Variants in ARHGEF4 observed in about 807,000 individuals in gnomAD.
ARHGEF4 encodes the protein Rho guanine nucleotide exchange factor 4.
In ARHGEF4, 119 loss-of-function variants were observed where a neutral mutation model predicts 162.0. The ratio of observed to expected loss-of-function variants is 0.73; its 90% CI spans 0.63 to 0.86. ARHGEF4 has a LOEUF of 0.86. ARHGEF4 is among the 40% of genes least tolerant of loss of function. ARHGEF4 has a pLI of 0.00. For missense variants in ARHGEF4, 2,488 were observed against 2,456.0 expected (o/e 1.01, Z -0.28); for synonymous variants, 1,014 against 979.9 (o/e 1.03, Z -0.65).
intron 4 of ARHGEF4, among the ~76,000 whole-genome samples, chr2:131,008,645 TA>T (rs138646291): frequency 6.6e-6 from 1 of 152,088 alleles, no homozygotes; most frequent in Non-Finnish European, 1.5e-5. Context: ...GGATCTTTTT[TA>T]AAAAAATCCT....
chr2:131,040,047 A>C lies in ARHGEF4; in HGVS notation c.4337A>C (p.Asp1446Ala). The part of the protein sequence containing the change: ...LRVNQDEPAD[D>A]DAPLAGNSGA... ...GTGAATCAGGACGAGCCCGCGGATG[A>C]CGACGCCCCTCTGGCCGGGAACAGC... Residue 1446 changes from aspartate (D) to alanine (A), a missense_variant, in exon 7 of 14, where the codon GAC (aspartate) becomes GCC (alanine). Physicochemically the swap from Asp to Ala is moderately radical, Grantham distance 126. Coordinates refer to ENST00000409359, the MANE Select transcript of ARHGEF4 (RefSeq NM_001367493.1). 1.3e-6 allele frequency: 2 copies of C among 1,578,600 alleles called. No individual in the cohort carries two copies. Among genetic ancestry groups the C allele is most frequent in the Non-Finnish European group, 1.7e-6 (2 of 1,163,472 alleles).
At chr2:130,953,968 G>C (rs565531431) in intron 4 of ARHGEF4, among the ~76,000 whole-genome samples, 2 of 152,358 alleles carry the variant, frequency 1.3e-5, no homozygotes, top group East Asian at 3.9e-4. Flanking sequence ...GTGTAAACTA[G>C]TTCAACCATT....
chr2:130,946,468 C>G, intron 3 of ARHGEF4, 41 bp from the exon 4 acceptor site: 2 of 1,578,356 alleles, frequency 1.3e-6, no homozygotes, highest in Non-Finnish European at 1.7e-6. Flanking sequence ...CCTGTCATTT[C>G]TTTTCTTCAT....
intron 4 of ARHGEF4, among the ~76,000 whole-genome samples, chr2:130,986,504 T>C (rs1329729165): frequency 6.6e-6 from 1 of 152,136 alleles, no homozygotes; most frequent in Non-Finnish European, 1.5e-5. Context: ...AGAAAGCAGC[T>C]CAGAGGGCGC....
intron 5 of ARHGEF4, among the ~76,000 whole-genome samples, chr2:131,030,128 G>A (rs1419790467): frequency 6.6e-6 from 1 of 152,238 alleles, no homozygotes; most frequent in Non-Finnish European, 1.5e-5. Context: ...AGAGGTGGGG[G>A]TTCCATGGCT....
At chr2:130,926,751 G>A (rs1023550357) in intron 2 of ARHGEF4, among the ~76,000 whole-genome samples, 4 of 146,056 alleles carry the variant, frequency 2.7e-5, no homozygotes, top group Non-Finnish European at 4.5e-5. Context: ...ACAAAAAGTG[G>A]CTCAACAGTC....
chr2:131,045,929 A>G lies in ARHGEF4; in HGVS notation c.5480-109A>G, dbSNP rs951749581. ...GTCCTGTGTGGCAAAACTGCCTCCT[A>G]CGGCGGCTCTGAAGCAGAGCCCTGG... On this transcript the variant is annotated intron_variant, in intron 13 of 13. Transcript: ENST00000409359. 3.3e-6 allele frequency: 5 copies of G among 1,501,554 alleles called. No homozygotes were observed. The African/African-American group carries it at 5.6e-5, about 17-fold the overall frequency. The allele number at this position is 1,501,554 out of a possible 1,614,324, so 93.0% of individuals were successfully genotyped here.
intron 4 of ARHGEF4, among the ~76,000 whole-genome samples, chr2:130,991,780 TGCTCCACA>T (rs1216077350): frequency 2.0e-5 from 3 of 152,236 alleles, no homozygotes; most frequent in Non-Finnish European, 4.4e-5. Flanking sequence ...CGCCACCCCG[TGCTCCACA>T]GCGCCCAGTC....
At chr2:130,976,341 G>C (rs1685707119) in intron 4 of ARHGEF4, among the ~76,000 whole-genome samples, 1 of 63,852 alleles carries the variant, frequency 1.6e-5, no homozygotes, top group Non-Finnish European at 4.2e-5. Flanking sequence ...TCGTGTGTGT[G>C]TGTGTGTCTG....
intron 4 of ARHGEF4, among the ~76,000 whole-genome samples, chr2:131,005,691 G>T (rs1203956846): frequency 3.9e-5 from 6 of 152,238 alleles, no homozygotes; most frequent in African/African-American, 1.4e-4. Context: ...GGTGGGAGGG[G>T]AGGGGCGGGA....
At chr2:131,023,027 G>A (rs1350984932) in intron 4 of ARHGEF4, among the ~76,000 whole-genome samples, 1 of 119,776 alleles carries the variant, frequency 8.3e-6, no homozygotes, top group Non-Finnish European at 1.6e-5. Flanking sequence ...GATCACTTGA[G>A]CCCAGGAGTT....
At chr2:130,906,612 C>T (rs563673544) in intron 1 of ARHGEF4, among the ~76,000 whole-genome samples, 11 of 152,292 alleles carry the variant, frequency 7.2e-5, no homozygotes, top group South Asian at 6.2e-4. Context: ...GCCAACATGG[C>T]GAACCAGCCC....
chr2:130,886,839 A>ATT (rs910237634), intron 1 of ARHGEF4, among the ~76,000 whole-genome samples: 1 of 147,806 alleles, frequency 6.8e-6, no homozygotes, highest in African/African-American at 2.5e-5. Flanking sequence ...ACTTTTGGTA[A>ATT]TTTTTTTTTT....
rs1218900151 is a variant in ARHGEF4 at position 130,916,431 on chromosome 2, C to T, written c.2485C>T (p.Pro829Ser). Reference sequence around the variant, plus strand: ...GGGTCGCCGCTGGGGCTCTTCAGGCCCCGAGGGGCTCCCCAGGGAGAATCC... The same window carrying T: ...GGGTCGCCGCTGGGGCTCTTCAGGCTCCGAGGGGCTCCCCAGGGAGAATCC... ...TEGRRWGSSG[P>S]EGLPRENPPA... Residue 829 changes from proline (P) to serine (S), a missense_variant, in exon 2 of 14, where the codon CCC becomes TCC. Pro to Ser is a moderately conservative substitution (Grantham distance 74). Coordinates refer to ENST00000409359, the MANE Select transcript of ARHGEF4 (RefSeq NM_001367493.1). 2 of 1,537,954 alleles carry T rather than the reference C, an allele frequency of 1.3e-6. No individual in the cohort carries two copies. Among genetic ancestry groups the T allele is most frequent in the Non-Finnish European group, 1.7e-6 (2 of 1,144,642 alleles).
In ARHGEF4 at chr2:131,041,471, G is replaced by A. The variant is rs909351963; in HGVS notation, c.4895+9G>A. ...ACGCACCCCCAGCACAGGTAGGAGG[G>A]CACTGAGGCAGGGAGGCAGCCCACG... On this transcript the variant is annotated intron_variant, in intron 9 of 13. Transcript: ENST00000409359. The A allele has an allele frequency of 1.2e-6, 2 of 1,607,782 alleles. No individual in the cohort carries two copies. Among genetic ancestry groups the A allele is most frequent in the Non-Finnish European group, 1.7e-6 (2 of 1,177,070 alleles).
At chr2:131,022,142 C>G (rs1689171721) in intron 4 of ARHGEF4, among the ~76,000 whole-genome samples, 1 of 152,062 alleles carries the variant, frequency 6.6e-6, no homozygotes, top group Non-Finnish European at 1.5e-5. Context: ...GGTTTATTAT[C>G]AAAGCAATAG....
intron 4 of ARHGEF4, among the ~76,000 whole-genome samples, chr2:130,960,366 A>ATACT (rs1431144173): frequency 1.3e-5 from 2 of 152,174 alleles, no homozygotes; most frequent in Non-Finnish European, 2.9e-5. Flanking sequence ...AGATATAAGA[A>ATACT]TACTTACCAT....
chr2:131,024,562 A>G (rs927123838), intron 4 of ARHGEF4, among the ~76,000 whole-genome samples: 4 of 152,188 alleles, frequency 2.6e-5, no homozygotes, highest in African/African-American at 9.6e-5. Flanking sequence ...GGCGTGAGCC[A>G]CCGCACCTGC....
At chr2:131,035,399 G>A in intron 5 of ARHGEF4, 5 of 844,148 alleles carry the variant, frequency 5.9e-6, no homozygotes, top group Non-Finnish European at 7.7e-6. Flanking sequence ...GGCCTGGTCC[G>A]GGGGTGTCGC....
Sources: gnomAD v4.1 joint callset for allele counts (sites outside exome capture counted in the v4.1 genomes callset) on GRCh38, gnomAD v4.1.1 for gene constraint, MANE v1.5 for transcripts, NCBI Gene and HGNC (gene_info 2026-07-23, HGNC 2026-07-21) for gene names.